The following POLA1 variants were observed in gnomAD, a reference collection of about 807,000 sequenced individuals.
The protein encoded by POLA1 is DNA polymerase alpha catalytic subunit.
Under a neutral mutation model 124.0 loss-of-function variants are expected in POLA1, and 15 were observed. The observed-to-expected ratio is 0.12, with a 90% CI of 0.08 to 0.19. POLA1 has a LOEUF of 0.19. POLA1 is among the 10% of genes least tolerant of loss of function. POLA1 has a pLI of 1.00. For missense variants in POLA1, 886 were observed against 1,103.4 expected (o/e 0.80, Z 2.79); for synonymous variants, 408 against 389.4 (o/e 1.05, Z -0.56).
chrX:24,811,573 C>T (rs1275157752), intron 28 of POLA1, among the ~76,000 whole-genome samples: 3 of 111,341 alleles, frequency 2.7e-5, no homozygotes. Context: ...AGGCATGAGC[C>T]ACCGCGCCTG....
At chrX:24,758,591 T>A (rs1932729440) in intron 26 of POLA1, among the ~76,000 whole-genome samples, 1 of 112,581 alleles carries the variant, frequency 8.9e-6, no homozygotes. Flanking sequence ...CTGGGGTCTG[T>A]GAGTGTAAGA....
At chrX:24,969,431 G>A (rs937000228) in intron 36 of POLA1, among the ~76,000 whole-genome samples, 2 of 110,254 alleles carry the variant, frequency 1.8e-5, no homozygotes, top group Non-Finnish European at 3.8e-5. Context: ...TCCCTGCAGG[G>A]AAAAGGTAAA....
chrX:24,720,985 A>T (rs1428051441), intron 10 of POLA1, among the ~76,000 whole-genome samples: 1 of 113,051 alleles, frequency 8.8e-6, no homozygotes, highest in African/African-American at 3.2e-5. Context: ...ATTTATTTCA[A>T]CTAGTGCTGG....
intron 26 of POLA1, among the ~76,000 whole-genome samples, chrX:24,758,687 T>A (rs1298874244): frequency 3.6e-5 from 4 of 112,209 alleles, no homozygotes; most frequent in Non-Finnish European, 7.5e-5. Flanking sequence ...TTTGTTTTTT[T>A]GTTTTTTTGT....
intron 10 of POLA1, among the ~76,000 whole-genome samples, chrX:24,718,508 T>A (rs1929995061): frequency 8.9e-6 from 1 of 111,891 alleles, no homozygotes; most frequent in African/African-American, 3.3e-5. Flanking sequence ...AAGATTGGTA[T>A]AAAATGAAGC....
intron 34 of POLA1, among the ~76,000 whole-genome samples, chrX:24,869,702 A>G (rs1338206462): frequency 8.9e-6 from 1 of 111,956 alleles, no homozygotes; most frequent in Non-Finnish European, 1.9e-5. Context: ...ATAGCATCTC[A>G]GAGCTCTTGG....
At chrX:24,817,480 C>T (rs1162514623) in intron 30 of POLA1, among the ~76,000 whole-genome samples, 1 of 108,124 alleles carries the variant, frequency 9.2e-6, no homozygotes, top group Non-Finnish European at 1.9e-5. Flanking sequence ...AGGTGGTAGG[C>T]GCCTGTAATC....
At chrX:24,868,802 A>G (rs1465874713) in intron 34 of POLA1, among the ~76,000 whole-genome samples, 1 of 112,184 alleles carries the variant, frequency 8.9e-6, no homozygotes, top group Non-Finnish European at 1.9e-5. Flanking sequence ...CATAACCTGT[A>G]AGTAATCCAT....
intron 26 of POLA1, among the ~76,000 whole-genome samples, chrX:24,801,920 G>GGGGTGT (rs2045711780): frequency 2.1e-5 from 1 of 47,510 alleles, no homozygotes; most frequent in African/African-American, 1.1e-4. Flanking sequence ...AGGAGAGGTG[G>GGGGTGT]GTGGGTGTGT....
intron 35 of POLA1, among the ~76,000 whole-genome samples, chrX:24,909,988 CTT>C (rs897185230): frequency 9.0e-6 from 1 of 111,020 alleles, no homozygotes; most frequent in African/African-American, 3.3e-5. Flanking sequence ...ATTTTATTCT[CTT>C]TGAAGCAAAT....
chrX:24,947,534 G>A (rs932111222), intron 36 of POLA1, among the ~76,000 whole-genome samples: 10 of 110,663 alleles, frequency 9.0e-5, no homozygotes, highest in African/African-American at 2.6e-4. Context: ...GCCTCCCAAA[G>A]TGTTGGGATT....
intron 26 of POLA1, among the ~76,000 whole-genome samples, chrX:24,798,446 C>T (rs1157150758): frequency 1.8e-5 from 2 of 110,807 alleles, no homozygotes; most frequent in African/African-American, 6.6e-5. Flanking sequence ...GGATGAAGAC[C>T]CTTATGATGA....
At chrX:24,703,817 C>G (rs574584156) in intron 3 of POLA1, among the ~76,000 whole-genome samples, 171 of 111,847 alleles carry the variant, frequency 1.5e-3, no homozygotes, top group Middle Eastern at 9.3e-3. Flanking sequence ...ATATGAGGTT[C>G]TAGGTATGAA....
At chrX:24,837,385 A>G (rs1317655607) in intron 32 of POLA1, among the ~76,000 whole-genome samples, 2 of 111,573 alleles carry the variant, frequency 1.8e-5, no homozygotes, top group African/African-American at 3.3e-5. Flanking sequence ...TTCACTTAGC[A>G]TGGTATTTTT....
At chrX:24,846,287 T>G (rs1467958972) in intron 34 of POLA1, among the ~76,000 whole-genome samples, 2 of 111,595 alleles carry the variant, frequency 1.8e-5, no homozygotes, top group African/African-American at 6.5e-5. Flanking sequence ...AATTCTAGTT[T>G]CCTATAACAT....
At chrX:24,944,160 T>C (rs981797350) in intron 36 of POLA1, among the ~76,000 whole-genome samples, 7 of 112,217 alleles carry the variant, frequency 6.2e-5, no homozygotes, top group African/African-American at 2.3e-4. Context: ...TGTTAGTCTG[T>C]ATACAGCTCA....
intron 36 of POLA1, among the ~76,000 whole-genome samples, chrX:24,971,931 G>GATTTCATTTT (rs1556036894): frequency 1.7e-4 from 15 of 86,902 alleles, no homozygotes; most frequent in Non-Finnish European, 2.2e-4. Context: ...GGATGTGGAA[G>GATTTCATTTT]ATTTTATTTT....
At chrX:24,884,401 G>A (rs1026738774) in intron 34 of POLA1, among the ~76,000 whole-genome samples, 64 of 111,662 alleles carry the variant, frequency 5.7e-4, no homozygotes, top group Middle Eastern at 9.2e-3. Flanking sequence ...CACCTGCCTC[G>A]GCCTCCCAAA....
intron 34 of POLA1, among the ~76,000 whole-genome samples, chrX:24,855,820 C>T (rs1388984922): frequency 9.0e-6 from 1 of 110,627 alleles, no homozygotes; most frequent in East Asian, 2.8e-4. Context: ...CACACTTGAC[C>T]CCGCAGAATC....
Sources: allele counts gnomAD v4.1 joint callset (sites outside exome capture counted in the v4.1 genomes callset), GRCh38; gene constraint gnomAD v4.1.1; transcripts MANE v1.5; gene names NCBI Gene and HGNC (gene_info 2026-07-23, HGNC 2026-07-21).